Variants in VPS13C observed in about 807,000 individuals in gnomAD.
The protein encoded by VPS13C is intermembrane lipid transfer protein VPS13C.
Under a neutral mutation model 456.8 loss-of-function variants are expected in VPS13C, and 358 were observed. That is an observed-to-expected ratio of 0.78 (90% CI 0.72 to 0.86). The LOEUF (loss-of-function observed/expected upper bound fraction) is 0.86. VPS13C is among the 40% of genes least tolerant of loss of function. The pLI, the probability that VPS13C is intolerant of heterozygous loss-of-function variation, is 0.00. For synonymous variants in VPS13C, 1,578 were observed against 1,486.7 expected, an observed-to-expected ratio of 1.06 and a Z score of -1.41; for missense variants, 4,818 against 4,385.4, an observed-to-expected ratio of 1.10 and a Z score of -2.79.
chr15:62,051,251 C>T (rs1211638572), intron 1 of VPS13C, among the ~76,000 whole-genome samples: 1 of 152,118 alleles, frequency 6.6e-6, no homozygotes, highest in Non-Finnish European at 1.5e-5. Context: ...AGTAGGTACT[C>T]GATAAATACT....
intron 37 of VPS13C, among the ~76,000 whole-genome samples, chr15:61,957,293 C>T (rs966193577): frequency 7.2e-5 from 11 of 151,998 alleles, no homozygotes; most frequent in African/African-American, 2.7e-4. Flanking sequence ...GTTACCTCTG[C>T]GTGGATTTGC....
At chr15:62,033,186 C>A (rs1050026293) in intron 5 of VPS13C, among the ~76,000 whole-genome samples, 1 of 151,384 alleles carries the variant, frequency 6.6e-6, no homozygotes, top group Non-Finnish European at 1.5e-5. Flanking sequence ...GTCTTCCAAA[C>A]TAGCACAATA....
chr15:62,025,358 A>G (rs556261062), intron 6 of VPS13C, among the ~76,000 whole-genome samples: 2 of 152,252 alleles, frequency 1.3e-5, no homozygotes, highest in East Asian at 3.9e-4. Context: ...CAATCAGGAT[A>G]GTGCTATTCC....
chr15:61,927,029 T>G, intron 52 of VPS13C, 62 bp downstream of exon 52: 11 of 1,423,328 alleles, frequency 7.7e-6, no homozygotes, highest in Non-Finnish European at 1.1e-5. Flanking sequence ...ATTCTAGGAT[T>G]CTATGAATCA....
intron 39 of VPS13C, 21 bp downstream of exon 39, chr15:61,951,803 C>G (rs1003589295): frequency 6.3e-7 from 1 of 1,595,184 alleles, no homozygotes; most frequent in Admixed American, 1.7e-5. Context: ...ATAATTTACA[C>G]AGACAATATT....
intron 15 of VPS13C, among the ~76,000 whole-genome samples, chr15:62,003,462 C>A (rs2046711374): frequency 6.6e-6 from 1 of 152,088 alleles, no homozygotes; most frequent in Non-Finnish European, 1.5e-5. Flanking sequence ...ATGTCGTCTG[C>A]AAACAGGGAC....
intron 67 of VPS13C, among the ~76,000 whole-genome samples, chr15:61,889,069 T>C (rs1896481484): frequency 6.6e-6 from 1 of 152,136 alleles, no homozygotes; most frequent in Non-Finnish European, 1.5e-5. Context: ...TTTGAAAATC[T>C]AGATTTCACT....
Position 61,961,586 on chromosome 15 carries a change from T to A in VPS13C, c.3908+3A>T. Reference sequence around the variant, plus strand: ...TAAATCCATAATTATTGAAAGAGCATACCTATAAAGTGTAAGCTTTGTTAG... The same window carrying A: ...TAAATCCATAATTATTGAAAGAGCAAACCTATAAAGTGTAAGCTTTGTTAG... On this transcript the variant is annotated splice_donor_region_variant and intron_variant, in intron 35 of 84. Coordinates refer to ENST00000644861, the MANE Select transcript of VPS13C (RefSeq NM_020821.3). 6.4e-7 allele frequency: 1 copy of A among 1,553,428 alleles called. No homozygotes were observed. The highest frequency in any genetic ancestry group is 8.7e-7 in the Non-Finnish European group (1 of 1,152,720).
At chr15:61,973,154 A>G (rs1449294060) in intron 26 of VPS13C, among the ~76,000 whole-genome samples, 1 of 152,206 alleles carries the variant, frequency 6.6e-6, no homozygotes, top group Non-Finnish European at 1.5e-5. Context: ...AAACAGATCA[A>G]TTAGGTCAAA....
At chr15:61,976,192 T>C (rs1041748114) in intron 24 of VPS13C, among the ~76,000 whole-genome samples, 1 of 152,060 alleles carries the variant, frequency 6.6e-6, no homozygotes, top group African/African-American at 2.4e-5. Context: ...TGTTCATCAT[T>C]ACCAAGTGAG....
At position 61,976,095 on chromosome 15, in the gene VPS13C, C is replaced by A. The variant is rs189492276; in HGVS notation, c.2408+987G>T. ...GAAGCTTGTGTTAAGAACTTATGTG[C>A]AGAATTTTCCACATGTGTCATCATG... On this transcript the variant is annotated intron_variant, in intron 24 of 84. Transcript: ENST00000644861. Among the ~76,000 whole-genome samples, 128 of 152,088 alleles carry A rather than the reference C, an allele frequency of 8.4e-4. 1 individual carries two copies. Among genetic ancestry groups the A allele is most frequent in the African/African-American group, 2.8e-3 (118 of 41,504 alleles).
In VPS13C at chr15:61,854,508, T is replaced by C; in HGVS notation, c.11211A>G (p.Lys3737=). 6.2e-7 allele frequency: 1 copy of C among 1,614,148 alleles called. No individual in the cohort carries two copies. ...GTCTCACTGATGACTGCTTCATCAA[T>C]TTTTGCTGCTGTCTCGTTGACTGTG... The part of the protein sequence containing the change: ...EDAQSTRQQQ[K]LMKQSSVRLL... The change falls in exon 85 of 85, where the codon AAA becomes AAG. Residue 3737 remains lysine, a synonymous_variant. Transcript: ENST00000644861.
intron 2 of VPS13C, among the ~76,000 whole-genome samples, chr15:62,041,865 C>T (rs2048254226): frequency 6.6e-6 from 1 of 151,822 alleles, no homozygotes; most frequent in Admixed American, 6.6e-5. Context: ...AGAAAGAATT[C>T]ACAAGAGAAA....
chr15:62,059,950 GC>G (rs2048939169), intron 1 of VPS13C, among the ~76,000 whole-genome samples: 1 of 152,226 alleles, frequency 6.6e-6, no homozygotes, highest in Non-Finnish European at 1.5e-5. Context: ...ATGCTGTAGG[GC>G]CAAAGGGGCC....
At chr15:62,012,219 CAG>C in intron 11 of VPS13C, 55 bp from the exon 12 acceptor site, 1 of 781,610 alleles carries the variant, frequency 1.3e-6, no homozygotes, top group Non-Finnish European at 2.1e-6. Flanking sequence ...TATTCAGACT[CAG>C]ACACACACAC....
At chr15:62,026,312 T>C (rs974616345) in intron 6 of VPS13C, among the ~76,000 whole-genome samples, 1 of 151,982 alleles carries the variant, frequency 6.6e-6, no homozygotes, top group African/African-American at 2.4e-5. Context: ...TTATCTTCCA[T>C]TGGAAATATT....
chr15:61,936,124 T>C (rs375453901), intron 48 of VPS13C, among the ~76,000 whole-genome samples: 16 of 152,328 alleles, frequency 1.1e-4, no homozygotes, highest in African/African-American at 3.4e-4. Context: ...CTGCTTTTAA[T>C]AGGTTCAAAT....
chr15:61,919,755 A>G (rs1250175434), intron 57 of VPS13C, among the ~76,000 whole-genome samples: 2 of 150,128 alleles, frequency 1.3e-5, no homozygotes, highest in Admixed American at 6.7e-5. Flanking sequence ...AGACTTCTGA[A>G]TATAGCTATT....
rs2140711853 is a variant in VPS13C, at chr15:62,041,326, A to G, written c.185T>C (p.Ile62Thr). 6.2e-7 allele frequency: 1 copy of G among 1,607,020 alleles called. No homozygotes were observed. Among genetic ancestry groups the G allele is most frequent in the Non-Finnish European group, 8.5e-7 (1 of 1,178,218 alleles). ...CAAATGAAGACTAAAGTACTTACCA[A>G]TTTGGCCAGCCTTGACTTTAAAAGG... ...DVPFKVKAGQ[I>T]DKLTLKIPWK... The change falls in exon 3 of 85, where the codon ATT (isoleucine) becomes ACT (threonine). Residue 62 changes from isoleucine (I) to threonine (T), a missense_variant and splice_region_variant. Coordinates refer to ENST00000644861, the MANE Select transcript of VPS13C (RefSeq NM_020821.3).
Sources: allele counts gnomAD v4.1 joint callset (sites outside exome capture counted in the v4.1 genomes callset), GRCh38; gene constraint gnomAD v4.1.1; transcripts MANE v1.5; gene names NCBI Gene and HGNC (gene_info 2026-07-23, HGNC 2026-07-21).